The following MBOAT2 variants were observed in gnomAD, a reference collection of about 807,000 sequenced individuals.
MBOAT2 encodes the protein membrane bound glycerophospholipid O-acyltransferase 2.
A neutral mutation model predicts 63.4 loss-of-function variants in MBOAT2; 28 were observed. That is an observed-to-expected ratio of 0.44 (90% CI 0.33 to 0.61). MBOAT2 has a LOEUF of 0.61. Among genes scored for constraint, MBOAT2 ranks in the 20% least tolerant of loss-of-function variants. The probability of loss-of-function intolerance (pLI) is 0.03; values close to 1 mark genes in which losing one functional copy is unlikely to be tolerated. For missense variants in MBOAT2, 470 were observed against 605.8 expected (o/e 0.78, Z 2.35); for synonymous variants, 211 against 215.6 (o/e 0.98, Z 0.19).
At chr2:8,903,524 G>A (rs1558596312) in intron 4 of MBOAT2, among the ~76,000 whole-genome samples, 1 of 151,902 alleles carries the variant, frequency 6.6e-6, no homozygotes, top group Non-Finnish European at 1.5e-5. Flanking sequence ...CAGTACCACA[G>A]AAATCAACAT....
intron 4 of MBOAT2, among the ~76,000 whole-genome samples, chr2:8,906,890 A>G (rs1046451297): frequency 1.3e-5 from 2 of 152,208 alleles, no homozygotes; most frequent in Non-Finnish European, 2.9e-5. Flanking sequence ...GGAATCCCAA[A>G]ATACAAACTA....
intron 2 of MBOAT2, among the ~76,000 whole-genome samples, chr2:8,950,845 A>G (rs1030655324): frequency 1.3e-5 from 2 of 152,038 alleles, no homozygotes; most frequent in South Asian, 4.1e-4. Flanking sequence ...TTTTTTTATC[A>G]TGACAGGATG....
At chr2:9,000,928 C>A (rs1272299458) in intron 1 of MBOAT2, among the ~76,000 whole-genome samples, 2 of 152,036 alleles carry the variant, frequency 1.3e-5, no homozygotes, top group African/African-American at 4.8e-5. Flanking sequence ...TAAAAATATT[C>A]TTCCTTTATA....
intron 1 of MBOAT2, among the ~76,000 whole-genome samples, chr2:8,978,249 A>G (rs1670959882): frequency 6.6e-6 from 1 of 152,038 alleles, no homozygotes; most frequent in Non-Finnish European, 1.5e-5. Context: ...TCCACCCCAA[A>G]GCTGACACTT....
intron 1 of MBOAT2, among the ~76,000 whole-genome samples, chr2:8,996,637 C>T (rs1672330571): frequency 6.6e-6 from 1 of 152,226 alleles, no homozygotes; most frequent in Admixed American, 6.5e-5. Flanking sequence ...TGCTGTGAAG[C>T]AGCCCCTGCT....
chr2:8,997,219 T>C lies in MBOAT2; in HGVS notation c.75+6321A>G, dbSNP rs117736491. The stretch of plus-strand genomic sequence containing the variant: ...AAGGAATCTTACCAAGTGCTATCAT[T>C]GTAGAGTCCCACCTGTTAAACCAAC... On this transcript the variant is annotated intron_variant, in intron 1 of 12. Coordinates refer to ENST00000305997, the MANE Select transcript of MBOAT2 (RefSeq NM_138799.4). 2.3e-4 allele frequency among the ~76,000 whole-genome samples: 35 copies of C among 152,344 alleles called. No individual in the cohort carries two copies. The East Asian group carries it at 6.4e-3, about 28-fold the overall frequency.
chr2:8,913,641 C>A lies in MBOAT2; in HGVS notation c.300-4925G>T, dbSNP rs1665945574. 2.0e-5 allele frequency among the ~76,000 whole-genome samples: 3 copies of A among 152,290 alleles called. No individual in the cohort carries two copies. The South Asian group carries it at 6.2e-4, about 32-fold the overall frequency. On this transcript the variant is annotated intron_variant, in intron 3 of 12. Coordinates refer to ENST00000305997, the MANE Select transcript of MBOAT2 (RefSeq NM_138799.4). The stretch of plus-strand genomic sequence containing the variant: ...AACCACAATGTGATACCACCTTACT[C>A]CTGCAAGAATGGTCATAATTAAAAA...
chr2:8,903,507 A>G (rs1665117513), intron 4 of MBOAT2, among the ~76,000 whole-genome samples: 1 of 152,090 alleles, frequency 6.6e-6, no homozygotes, highest in Non-Finnish European at 1.5e-5. Flanking sequence ...ACTAAAAGCA[A>G]CTCTTTCAGT....
chr2:8,950,635 GC>G (rs1385162235), intron 2 of MBOAT2, among the ~76,000 whole-genome samples: 17 of 152,128 alleles, frequency 1.1e-4, no homozygotes, highest in African/African-American at 4.1e-4. Flanking sequence ...CACCGTGTTA[GC>G]CAGGATGGTC....
chr2:8,966,884 G>A (rs902128334), intron 1 of MBOAT2, among the ~76,000 whole-genome samples: 3 of 152,196 alleles, frequency 2.0e-5, no homozygotes, highest in East Asian at 1.9e-4. Flanking sequence ...GGAGAGGCAT[G>A]TACAAGAATG....
intron 1 of MBOAT2, among the ~76,000 whole-genome samples, chr2:8,999,119 T>A (rs1195585482): frequency 6.6e-6 from 1 of 152,176 alleles, no homozygotes; most frequent in African/African-American, 2.4e-5. Context: ...TTTCAAAAGA[T>A]CCTGAGTCTC....
chr2:8,877,318 CT>C (rs1337175872), intron 6 of MBOAT2, 105 bp from the exon 7 acceptor site: 3 of 1,093,568 alleles, frequency 2.7e-6, no homozygotes, highest in Non-Finnish European at 3.9e-6. Flanking sequence ...GTAAAACAAG[CT>C]TTCATTTTCA....
Position 8,865,607 on chromosome 2 carries a change from A to G in MBOAT2, c.988-1373T>C, listed in dbSNP as rs145578259. Among the ~76,000 whole-genome samples the G allele has an allele frequency of 4.9e-3, 739 of 152,290 alleles. 10 individuals carry two copies. Among genetic ancestry groups the G allele is most frequent in the South Asian group, 0.02 (95 of 4,820 alleles). ...CTCCATTTTAAAACAAAATTAAACA[A>G]ACAGCTCCCCTCAATTCCCTGTTCC... is the stretch of plus-strand genomic sequence containing the variant. On this transcript the variant is annotated intron_variant, in intron 9 of 12. Transcript: ENST00000305997.
At chr2:8,934,970 AG>A (rs1231971196) in intron 3 of MBOAT2, among the ~76,000 whole-genome samples, 1 of 152,166 alleles carries the variant, frequency 6.6e-6, no homozygotes, top group Admixed American at 6.5e-5. Context: ...AAGCCACTGT[AG>A]GAGTGCTGTG....
At chr2:8,935,746 C>T (rs927108713) in intron 3 of MBOAT2, among the ~76,000 whole-genome samples, 5 of 152,198 alleles carry the variant, frequency 3.3e-5, no homozygotes, top group African/African-American at 1.2e-4. Flanking sequence ...AGTGACTTAG[C>T]CAAGGTTCTG....
intron 1 of MBOAT2, among the ~76,000 whole-genome samples, chr2:9,002,143 G>T (rs1403356732): frequency 6.6e-6 from 1 of 151,930 alleles, no homozygotes; most frequent in Non-Finnish European, 1.5e-5. Context: ...AATAAAGAGA[G>T]AAGAATATTT....
At chr2:8,912,369 G>GAA (rs1665824815) in intron 3 of MBOAT2, among the ~76,000 whole-genome samples, 1 of 96,002 alleles carries the variant, frequency 1.0e-5, no homozygotes, top group East Asian at 2.8e-4. Context: ...AAGAAAGAAA[G>GAA]AAAGAGAAAG....
intron 8 of MBOAT2, 60 bp from the exon 9 acceptor site, chr2:8,868,609 T>A (rs1246818488): frequency 7.6e-6 from 10 of 1,315,726 alleles, no homozygotes. Flanking sequence ...TACCATATTC[T>A]CCCAGAAGGT....
At chr2:8,910,990 A>G (rs1052469518) in intron 3 of MBOAT2, among the ~76,000 whole-genome samples, 24 of 152,188 alleles carry the variant, frequency 1.6e-4, no homozygotes, top group Non-Finnish European at 3.4e-4. Flanking sequence ...ACACAGATGC[A>G]CTAGAGGGAC....
Sources: allele counts gnomAD v4.1 joint callset (sites outside exome capture counted in the v4.1 genomes callset), GRCh38; gene constraint gnomAD v4.1.1; transcripts MANE v1.5; gene names NCBI Gene and HGNC (gene_info 2026-07-23, HGNC 2026-07-21).